The following TAF3 variants were observed in gnomAD, a reference collection of about 807,000 sequenced individuals.
TAF3 encodes TATA-box binding protein associated factor 3, also known as transcription initiation factor TFIID subunit 3.
A neutral mutation model predicts 80.6 loss-of-function variants in TAF3; 7 were observed. That is an observed-to-expected ratio of 0.09 (90% CI 0.05 to 0.16). The LOEUF (loss-of-function observed/expected upper bound fraction) is 0.16, where lower values mean the gene tolerates loss of function less well. TAF3 is among the 10% of genes least tolerant of loss of function. The pLI, the probability that TAF3 is intolerant of heterozygous loss-of-function variation, is 1.00. For synonymous variants in TAF3, 444 were observed against 446.1 expected (o/e 1.00, Z 0.06); for missense variants, 921 against 1,140.2 (o/e 0.81, Z 2.77).
Position 8,016,054 on chromosome 10 carries a change from A to T in TAF3, c.*1303A>T, listed in dbSNP as rs1197104689. ...TATTATACTGCCCACTATTTATTAT[A>T]TGTTATAGATGTCTGAGAGGTAAAC... On this transcript the variant is annotated 3_prime_UTR_variant, in exon 7 of 7. Coordinates refer to ENST00000344293, the MANE Select transcript of TAF3 (RefSeq NM_031923.4). 1 of 152,158 alleles carries T rather than the reference A, an allele frequency of 6.6e-6. No homozygotes were observed. Among genetic ancestry groups the T allele is most frequent in the African/African-American group, 2.4e-5 (1 of 41,442 alleles). 9.4% of individuals were successfully genotyped at this position (152,158 alleles called of 1,614,324 possible).
At chr10:7,866,521 T>C (rs1399464531) in intron 2 of TAF3, among the ~76,000 whole-genome samples, 1 of 152,102 alleles carries the variant, frequency 6.6e-6, no homozygotes, top group East Asian at 1.9e-4. Flanking sequence ...ACCTCTGAAG[T>C]GAGAGTCAAC....
chr10:7,979,051 AAAAT>A (rs1183470227), intron 4 of TAF3, among the ~76,000 whole-genome samples: 3 of 152,108 alleles, frequency 2.0e-5, no homozygotes, highest in Non-Finnish European at 4.4e-5. Flanking sequence ...CTAAAAATAA[AAAAT>A]AAAAGGCAGC....
intron 2 of TAF3, among the ~76,000 whole-genome samples, chr10:7,912,906 G>A (rs968925218): frequency 6.6e-6 from 1 of 152,128 alleles, no homozygotes; most frequent in Non-Finnish European, 1.5e-5. Context: ...GTCGGTGTCT[G>A]CTCGGGCTGC....
Position 7,864,174 on chromosome 10 carries a change from G to A in TAF3, c.409+39614G>A, listed in dbSNP as rs141139231. 7.3e-4 allele frequency among the ~76,000 whole-genome samples: 111 copies of A among 152,172 alleles called. 2 individuals are homozygous for A. In the East Asian group the frequency reaches 0.015, roughly 20 times the overall value. ...GACAAATGTGTAATGACAAATACCTGCCATTATAACATCATACAGAGTAGT... is the reference window on the plus strand; with the variant it reads ...GACAAATGTGTAATGACAAATACCTACCATTATAACATCATACAGAGTAGT... On this transcript the variant is annotated intron_variant, in intron 2 of 6. Coordinates refer to ENST00000344293, the MANE Select transcript of TAF3 (RefSeq NM_031923.4).
At chr10:7,932,033 T>G (rs1032194302) in intron 2 of TAF3, among the ~76,000 whole-genome samples, 1 of 152,192 alleles carries the variant, frequency 6.6e-6, no homozygotes, top group South Asian at 2.1e-4. Context: ...TACCACCCTA[T>G]ATAGAGATAC....
intron 2 of TAF3, among the ~76,000 whole-genome samples, chr10:7,860,841 C>T (rs569442297): frequency 6.6e-6 from 1 of 151,166 alleles, no homozygotes; most frequent in Non-Finnish European, 1.5e-5. Context: ...GCTCTGTCAC[C>T]CAGGCTGGAA....
At position 7,850,930 on chromosome 10, in the gene TAF3, T is replaced by C. The variant is rs76039144; in HGVS notation, c.409+26370T>C. ...TTTTATTCAGTTCTTTCAGCACATA[T>C]TTATTGTTCTCTGATTGTGTGTGCC... On this transcript the variant is annotated intron_variant, in intron 2 of 6. Coordinates refer to ENST00000344293, the MANE Select transcript of TAF3 (RefSeq NM_031923.4). 8.5e-3 allele frequency among the ~76,000 whole-genome samples: 1,288 copies of C among 152,264 alleles called. 19 individuals carry two copies. Among genetic ancestry groups the C allele is most frequent in the African/African-American group, 0.029 (1,213 of 41,552 alleles).
chr10:7,980,870 C>T lies in TAF3; in HGVS notation c.2315+3547C>T, dbSNP rs116877691. Among the ~76,000 whole-genome samples the T allele has an allele frequency of 3.8e-3, 575 of 152,284 alleles. 1 individual carries two copies. Among genetic ancestry groups the T allele is most frequent in the Non-Finnish European group, 6.8e-3 (463 of 68,018 alleles). On this transcript the variant is annotated intron_variant, in intron 4 of 6. Coordinates refer to ENST00000344293, the MANE Select transcript of TAF3 (RefSeq NM_031923.4). ...AAGCAGGCACCAGGTTATTTGTCCTCCCCATCTTACTGTGTATTGAGTTTG... is the reference window on the plus strand; with the variant it reads ...AAGCAGGCACCAGGTTATTTGTCCTTCCCATCTTACTGTGTATTGAGTTTG...
chr10:7,840,746 T>G (rs1484870565), intron 2 of TAF3, among the ~76,000 whole-genome samples: 1 of 152,246 alleles, frequency 6.6e-6, no homozygotes, highest in Non-Finnish European at 1.5e-5. Flanking sequence ...TCTTGCTTTC[T>G]TGAATTTGAA....
chr10:7,981,686 G>A (rs61078038), intron 4 of TAF3, among the ~76,000 whole-genome samples: 3,172 of 152,266 alleles, frequency 0.021, 36 homozygotes, highest in Middle Eastern at 0.065. Context: ...GTGGCAAGTG[G>A]ATTGATTTCT....
intron 2 of TAF3, among the ~76,000 whole-genome samples, chr10:7,842,164 GTTTTTTTTTTTGT>G (rs1016475792): frequency 4.7e-5 from 4 of 85,414 alleles, no homozygotes; most frequent in African/African-American, 1.8e-4. Flanking sequence ...TTTTTTTTTT[GTTTTTTTTTTTGT>G]TTTTTTTTTT....
chr10:7,923,797 T>A (rs1190479034), intron 2 of TAF3, among the ~76,000 whole-genome samples: 3 of 152,118 alleles, frequency 2.0e-5, no homozygotes, highest in Non-Finnish European at 4.4e-5. Context: ...TTAGAATAAA[T>A]GGGGAAAAAT....
chr10:7,976,598 T>A (rs1006575879), intron 3 of TAF3, among the ~76,000 whole-genome samples: 1 of 152,070 alleles, frequency 6.6e-6, no homozygotes, highest in Non-Finnish European at 1.5e-5. Context: ...GTATTTTTAG[T>A]TTCACCATGT....
chr10:7,985,857 C>T (rs1450598000), intron 4 of TAF3, among the ~76,000 whole-genome samples: 1 of 146,860 alleles, frequency 6.8e-6, no homozygotes, highest in Non-Finnish European at 1.5e-5. Context: ...GATCTTGGCT[C>T]ACTGCAGCCT....
At chr10:7,921,561 A>T (rs139767367) in intron 2 of TAF3, among the ~76,000 whole-genome samples, 1 of 152,330 alleles carries the variant, frequency 6.6e-6, no homozygotes, top group African/African-American at 2.4e-5. Context: ...AGCTCCTAGT[A>T]AGACAAGGTA....
intron 2 of TAF3, among the ~76,000 whole-genome samples, chr10:7,945,963 T>G (rs1460786823): frequency 1.3e-5 from 2 of 152,192 alleles, no homozygotes; most frequent in East Asian, 3.8e-4. Context: ...ACACAGATCT[T>G]AACAAATATT....
chr10:7,848,587 C>T (rs1169035441), intron 2 of TAF3, among the ~76,000 whole-genome samples: 2 of 152,086 alleles, frequency 1.3e-5, no homozygotes, highest in African/African-American at 2.4e-5. Flanking sequence ...TATCCTGTTG[C>T]AAATTAAATA....
chr10:7,825,188 C>T (rs1244473), intron 2 of TAF3, among the ~76,000 whole-genome samples: 3 of 152,216 alleles, frequency 2.0e-5, no homozygotes, highest in African/African-American at 7.2e-5. Context: ...TAAGTAATTT[C>T]TGGTCTCTAA....
At chr10:7,979,013 G>T (rs955801945) in intron 4 of TAF3, among the ~76,000 whole-genome samples, 1 of 152,064 alleles carries the variant, frequency 6.6e-6, no homozygotes, top group Non-Finnish European at 1.5e-5. Context: ...CTGCACTCCA[G>T]CCTGGGCAAC....
Sources: gnomAD v4.1 joint callset for allele counts (sites outside exome capture counted in the v4.1 genomes callset) on GRCh38, gnomAD v4.1.1 for gene constraint, MANE v1.5 for transcripts, NCBI Gene and HGNC (gene_info 2026-07-23, HGNC 2026-07-21) for gene names.